The following FOCAD variants were observed in gnomAD, a reference collection of about 807,000 sequenced individuals.
The protein encoded by FOCAD is focadhesin.
Under a neutral mutation model 225.6 loss-of-function variants are expected in FOCAD, and 198 were observed. The ratio of observed to expected loss-of-function variants is 0.88; its 90% CI spans 0.78 to 0.99. FOCAD has a LOEUF of 0.99. Among genes scored for constraint, FOCAD ranks in the 50% least tolerant of loss-of-function variants. The probability of loss-of-function intolerance (pLI) is 0.00; values close to 1 mark genes in which losing one functional copy is unlikely to be tolerated. For missense variants in FOCAD, 2,713 were observed against 2,123.6 expected, an observed-to-expected ratio of 1.28 and a Z score of -5.46; for synonymous variants, 897 against 755.0, an observed-to-expected ratio of 1.19 and a Z score of -3.08.
At chr9:20,883,408 GTATA>G (rs1278473304) in intron 20 of FOCAD, among the ~76,000 whole-genome samples, 246 of 152,242 alleles carry the variant, frequency 1.6e-3, no homozygotes, top group African/African-American at 5.8e-3. Flanking sequence ...ACAAACTACT[GTATA>G]GACATGTAGA....
chr9:20,817,938 T>A (rs558361896), intron 11 of FOCAD, among the ~76,000 whole-genome samples: 50 of 152,300 alleles, frequency 3.3e-4, no homozygotes, highest in African/African-American at 1.2e-3. Context: ...TAATTCTATG[T>A]TTACCTATTT....
chr9:20,881,948 A>C lies in FOCAD; in HGVS notation c.2395A>C (p.Lys799Gln), dbSNP rs554439715. 1 of 1,613,986 alleles carries C rather than the reference A, an allele frequency of 6.2e-7. No individual in the cohort carries two copies. The highest frequency in any genetic ancestry group is 1.1e-5 in the South Asian group (1 of 91,068). ...MPRGIYHSAL[K>Q]GGARSDQGKT... is the part of the protein sequence containing the mutation. Reference sequence around the variant, plus strand: ...TCGTGGGATATATCACTCTGCATTAAAAGGAGGTGCCCGCTCAGACCAAGG... The same window carrying C: ...TCGTGGGATATATCACTCTGCATTACAAGGAGGTGCCCGCTCAGACCAAGG... The change falls in exon 20 of 44, where the codon AAA (lysine) becomes CAA (glutamine). Residue 799 changes from lysine (K) to glutamine (Q), a missense_variant. By Grantham distance (53) the Lys-to-Gln change is moderately conservative. Transcript: ENST00000338382.
At chr9:20,806,243 T>C (rs1397068658) in intron 11 of FOCAD, among the ~76,000 whole-genome samples, 2 of 152,210 alleles carry the variant, frequency 1.3e-5, no homozygotes. Flanking sequence ...TGCTGATGGG[T>C]ACTATTTAAA....
In FOCAD at chr9:20,820,938, T is replaced by C. The variant is rs1222895534; in HGVS notation, c.1663-3T>C. On this transcript the variant is annotated splice_polypyrimidine_tract_variant and splice_region_variant and intron_variant, in intron 13 of 43. Transcript: ENST00000338382. Reference sequence around the variant, plus strand: ...TACCTTTTTTGTAAAATTGCCTTCGTAGGACCGAGTCTATCCTGAACTGCA... The same window carrying C: ...TACCTTTTTTGTAAAATTGCCTTCGCAGGACCGAGTCTATCCTGAACTGCA... 6 of 1,608,920 alleles carry C rather than the reference T, an allele frequency of 3.7e-6. No homozygotes were observed. The Admixed American group carries it at 8.5e-5, about 23-fold the overall frequency.
chr9:20,881,916 A>G lies in FOCAD; in HGVS notation c.2363A>G (p.Asn788Ser). 1.2e-6 allele frequency: 2 copies of G among 1,613,808 alleles called. No individual in the cohort carries two copies. The highest frequency in any genetic ancestry group is 1.7e-6 in the Non-Finnish European group (2 of 1,179,846). The change falls in exon 20 of 44, where the codon AAT becomes AGT. Residue 788 changes from asparagine (N) to serine (S), a missense_variant. Coordinates refer to ENST00000338382, the MANE Select transcript of FOCAD (RefSeq NM_001375567.1). Reference protein sequence around the residue: ...FTSLVKQEMVNMPRGIYHSAL... With the variant: ...FTSLVKQEMVSMPRGIYHSAL... ...TCACTTGTGAAGCAAGAAATGGTGAATATGCCTCGTGGGATATATCACTCT... is the reference window on the plus strand; with the variant it reads ...TCACTTGTGAAGCAAGAAATGGTGAGTATGCCTCGTGGGATATATCACTCT...
rs1184354592 is a variant in FOCAD, at chr9:20,778,089, C to CAAAAAAAAAA, written c.907-577_907-568dup. 3.8e-4 allele frequency among the ~76,000 whole-genome samples: 32 copies of CAAAAAAAAAA among 84,178 alleles called. 2 individuals carry two copies. The highest frequency in any genetic ancestry group is 7.0e-4 in the Non-Finnish European group (30 of 42,958). The allele number at this position is 84,178 out of a possible 152,430, so 55.2% of individuals were successfully genotyped here. The stretch of plus-strand genomic sequence containing the variant: ...TGGGCGACAGAACGAGACTCCGTCT[C>CAAAAAAAAAA]AAAAAAAAAAAAAAAAAAAAAAAAG... On this transcript the variant is annotated intron_variant, in intron 8 of 43. Coordinates refer to ENST00000338382, the MANE Select transcript of FOCAD (RefSeq NM_001375567.1).
chr9:20,922,833 A>G (rs1483745946), intron 24 of FOCAD, among the ~76,000 whole-genome samples: 1 of 152,240 alleles, frequency 6.6e-6, no homozygotes, highest in Non-Finnish European at 1.5e-5. Flanking sequence ...AACCTAGAGC[A>G]TCTGATTGGT....
chr9:20,882,308 AGCCCAGAGGCATG>A lies in FOCAD; in HGVS notation c.2503+256_2503+268del, dbSNP rs138911504. On this transcript the variant is annotated intron_variant, in intron 20 of 43. Coordinates refer to ENST00000338382, the MANE Select transcript of FOCAD (RefSeq NM_001375567.1). ...TCCCCACCTTGGGGGATACCCACTC[AGCCCAGAGGCATG>A]GCCTGTTGGAAGAAAGAGAAACTAG... Among the ~76,000 whole-genome samples, 1,201 of 152,366 alleles carry A rather than the reference AGCCCAGAGGCATG, an allele frequency of 7.9e-3. 11 individuals are homozygous for A. Among genetic ancestry groups the A allele is most frequent in the Non-Finnish European group, 0.014 (938 of 68,036 alleles).
intron 4 of FOCAD, among the ~76,000 whole-genome samples, chr9:20,736,038 C>A (rs1438344884): frequency 6.6e-6 from 1 of 152,026 alleles, no homozygotes; most frequent in East Asian, 1.9e-4. Context: ...ATTTTACTCA[C>A]TTTTTTGGGG....
intron 23 of FOCAD, among the ~76,000 whole-genome samples, chr9:20,913,436 A>G (rs1833613778): frequency 6.6e-6 from 1 of 152,106 alleles, no homozygotes; most frequent in Non-Finnish European, 1.5e-5. Context: ...AATTCCCACT[A>G]TATCATCTAG....
At chr9:20,968,675 G>T (rs1298583801) in intron 35 of FOCAD, among the ~76,000 whole-genome samples, 4 of 151,850 alleles carry the variant, frequency 2.6e-5, no homozygotes, top group African/African-American at 9.7e-5. Context: ...CTGAAGTCAG[G>T]TGATCTGCCC....
intron 2 of FOCAD, among the ~76,000 whole-genome samples, chr9:20,664,293 G>T (rs1821830796): frequency 6.7e-6 from 1 of 148,890 alleles, no homozygotes; most frequent in Non-Finnish European, 1.5e-5. Context: ...TATTGACTAA[G>T]TGATCTGACA....
chr9:20,757,835 A>T (rs896789642), intron 5 of FOCAD, among the ~76,000 whole-genome samples: 2 of 152,218 alleles, frequency 1.3e-5, no homozygotes, highest in African/African-American at 4.8e-5. Context: ...GGAAGAGTCC[A>T]TTCCCAGATT....
chr9:20,773,428 A>G (rs1035626732), intron 8 of FOCAD, among the ~76,000 whole-genome samples: 1 of 152,188 alleles, frequency 6.6e-6, no homozygotes, highest in African/African-American at 2.4e-5. Context: ...AGTATTCTCT[A>G]TTTTAAAGTA....
intron 19 of FOCAD, among the ~76,000 whole-genome samples, chr9:20,877,160 TC>T (rs1460849530): frequency 1.3e-5 from 2 of 151,530 alleles, no homozygotes; most frequent in East Asian, 3.9e-4. Context: ...TATAGGGTTT[TC>T]TCCCCCAGTA....
In FOCAD at chr9:20,986,441, C is replaced by T. The variant is rs189041170; in HGVS notation, c.4882C>T (p.Arg1628Trp). 1.2e-5 allele frequency: 20 copies of T among 1,611,056 alleles called. No individual in the cohort carries two copies. The highest frequency in any genetic ancestry group is 4.0e-5 in the African/African-American group (3 of 74,566). Reference protein sequence around the residue: ...WMILHSLYQARIVSHANTGVL... With the variant: ...WMILHSLYQAWIVSHANTGVL... ...GATTCTGCACAGCTTATACCAGGCACGGATTGTGAGCCATGCCAATACGGG... is the reference window on the plus strand; with the variant it reads ...GATTCTGCACAGCTTATACCAGGCATGGATTGTGAGCCATGCCAATACGGG... Residue 1628 changes from arginine (R) to tryptophan (W), a missense_variant, in exon 40 of 44, where the codon CGG becomes TGG. Arg to Trp is a moderately radical substitution (Grantham distance 101). Transcript: ENST00000338382.
intron 42 of FOCAD, 109 bp from the exon 43 acceptor site, chr9:20,993,144 G>A (rs541997377): frequency 3.8e-6 from 3 of 793,522 alleles, no homozygotes; most frequent in South Asian, 3.2e-5. Context: ...AGCTACTGGG[G>A]AGGCTGAGGC....
At chr9:20,720,880 G>C (rs1201038220) in intron 4 of FOCAD, among the ~76,000 whole-genome samples, 1 of 152,116 alleles carries the variant, frequency 6.6e-6, no homozygotes, top group Non-Finnish European at 1.5e-5. Context: ...CTTCCACAGT[G>C]GTATAGTTTA....
intron 2 of FOCAD, among the ~76,000 whole-genome samples, chr9:20,659,440 A>AAGAAAGACAGAAAGAAAGAAAGAC (rs71334544): frequency 1.4e-5 from 2 of 145,070 alleles, no homozygotes; most frequent in Non-Finnish European, 3.0e-5. Context: ...GAAAGAAAGA[A>AAGAAAGACAGAAAGAAAGAAAGAC]AGACAGACAG....
Sources: gnomAD v4.1 joint callset for allele counts (sites outside exome capture counted in the v4.1 genomes callset) on GRCh38, gnomAD v4.1.1 for gene constraint, MANE v1.5 for transcripts, NCBI Gene and HGNC (gene_info 2026-07-23, HGNC 2026-07-21) for gene names.